The following UBE2D3 variants were observed in gnomAD, a reference collection of about 807,000 sequenced individuals.
The protein encoded by UBE2D3 is ubiquitin conjugating enzyme E2 D3, also known as ubiquitin-conjugating enzyme E2 D3.
In UBE2D3, 2 loss-of-function variants were observed where a neutral mutation model predicts 22.8. The observed-to-expected ratio is 0.09, with a 90% CI of 0.04 to 0.28. The LOEUF is 0.28. UBE2D3 is among the 10% of genes least tolerant of loss of function. The pLI is 1.00. For synonymous variants in UBE2D3, 56 were observed against 60.4 expected, an observed-to-expected ratio of 0.93 and a Z score of 0.34; for missense variants, 27 against 182.5, an observed-to-expected ratio of 0.15 and a Z score of 4.91.
At chr4:102,805,780 T>C (rs1726930692) in intron 4 of UBE2D3, among the ~76,000 whole-genome samples, 1 of 152,208 alleles carries the variant, frequency 6.6e-6, no homozygotes, top group Admixed American at 6.5e-5. Context: ...CTACTGATAT[T>C]TCTACTTGGA....
At chr4:102,816,414 C>T (rs567597912) in intron 2 of UBE2D3, among the ~76,000 whole-genome samples, 1 of 152,350 alleles carries the variant, frequency 6.6e-6, no homozygotes, top group African/African-American at 2.4e-5. Flanking sequence ...TATTCAACAG[C>T]AGCAATAACA....
intron 4 of UBE2D3, among the ~76,000 whole-genome samples, chr4:102,805,213 A>AG (rs1160125377): frequency 3.3e-5 from 5 of 152,242 alleles, no homozygotes; most frequent in Non-Finnish European, 1.5e-5. Context: ...ATGCCAAAAG[A>AG]GGAAGAACTA....
At chr4:102,822,630 A>T (rs982193809) in intron 2 of UBE2D3, among the ~76,000 whole-genome samples, 3 of 152,210 alleles carry the variant, frequency 2.0e-5, no homozygotes, top group Non-Finnish European at 4.4e-5. Flanking sequence ...AATCACATAC[A>T]TTATAAAACA....
chr4:102,835,429 C>G (rs892899948), intron 1 of UBE2D3, among the ~76,000 whole-genome samples: 4 of 152,106 alleles, frequency 2.6e-5, no homozygotes, highest in African/African-American at 9.7e-5. Flanking sequence ...GAAACAATCC[C>G]TCATGGATAC....
exon 1 of UBE2D3, chr4:102,868,757 A>C (rs1171037473): frequency 6.2e-7 from 1 of 1,614,080 alleles, no homozygotes; most frequent in African/African-American, 1.3e-5. Flanking sequence ...TCACATGCTT[A>C]TCTCATCGCA....
chr4:102,868,659 CTG>C (rs1314508981), intron 1 of UBE2D3: 1 of 1,613,330 alleles, frequency 6.2e-7, no homozygotes, highest in Non-Finnish European at 8.5e-7. Flanking sequence ...AGCACCCAAA[CTG>C]TAGGGGAAGA....
chr4:102,826,846 T>C, intron 1 of UBE2D3: 2 of 1,149,424 alleles, frequency 1.7e-6, no homozygotes, highest in Non-Finnish European at 1.1e-6. Context: ...TCCCGGCCTC[T>C]AGAAAGGAAG....
intron 2 of UBE2D3, among the ~76,000 whole-genome samples, chr4:102,822,710 TG>T (rs1433916343): frequency 7.0e-6 from 1 of 142,632 alleles, no homozygotes; most frequent in Non-Finnish European, 1.5e-5. Flanking sequence ...CTGAGGCGGG[TG>T]GATCACGAGG....
intron 2 of UBE2D3, chr4:102,810,477 T>G (rs1406372466): frequency 6.6e-6 from 1 of 150,638 alleles, no homozygotes; most frequent in Non-Finnish European, 1.5e-5. Flanking sequence ...CTGGGGTCAC[T>G]GCAAGCTCCA....
In UBE2D3 at chr4:102,806,222, T is replaced by C. The variant is rs570255363; in HGVS notation, c.120+3450A>G. Among the ~76,000 whole-genome samples the C allele has an allele frequency of 1.2e-4, 18 of 152,314 alleles. No individual in the cohort carries two copies. The East Asian group carries it at 3.1e-3, about 26-fold the overall frequency. ...TCTTCTGTCTCTTCTATAGAACATG[T>C]TCTCTACTGCACATAAAATATTATA... On this transcript the variant is annotated intron_variant, in intron 4 of 7. Coordinates refer to ENST00000453744, the MANE Select transcript of UBE2D3 (RefSeq NM_181891.3).
chr4:102,815,122 C>A (rs920643657), intron 2 of UBE2D3, among the ~76,000 whole-genome samples: 1 of 152,074 alleles, frequency 6.6e-6, no homozygotes, highest in Admixed American at 6.6e-5. Context: ...TGGCTCACTG[C>A]AACCTCTGCC....
At chr4:102,847,157 G>A (rs1010018863) in intron 1 of UBE2D3, among the ~76,000 whole-genome samples, 15 of 152,178 alleles carry the variant, frequency 9.9e-5, no homozygotes, top group African/African-American at 3.6e-4. Context: ...TCCAGCATTA[G>A]AATAGGAAAG....
Position 102,847,332 on chromosome 4 carries a change from C to G in UBE2D3, c.-128-20696G>C, listed in dbSNP as rs921197467. On this transcript the variant is annotated intron_variant, in intron 1 of 7. Transcript: ENST00000338145. ...ATAGTGTCTCACTCCGTCGCCCAGGCTGGAGTGCAGTTGTGCAATCAAGGC... is the reference window on the plus strand; with the variant it reads ...ATAGTGTCTCACTCCGTCGCCCAGGGTGGAGTGCAGTTGTGCAATCAAGGC... 2.0e-5 allele frequency among the ~76,000 whole-genome samples: 3 copies of G among 152,320 alleles called. No individual in the cohort carries two copies. In the East Asian group the frequency reaches 5.8e-4, roughly 29 times the overall value.
chr4:102,851,521 A>G (rs1290579773), intron 1 of UBE2D3, among the ~76,000 whole-genome samples: 1 of 152,218 alleles, frequency 6.6e-6, no homozygotes. Context: ...GCAGAAGTAG[A>G]TAATTTGTAG....
At chr4:102,825,796 G>C (rs1045295539) in intron 2 of UBE2D3, 5 of 458,472 alleles carry the variant, frequency 1.1e-5, no homozygotes, top group Non-Finnish European at 2.2e-5. Flanking sequence ...GGAGCTTCCA[G>C]AATGCCTTTT....
At chr4:102,820,212 A>C (rs1264705853) in intron 2 of UBE2D3, among the ~76,000 whole-genome samples, 1 of 152,172 alleles carries the variant, frequency 6.6e-6, no homozygotes, top group Non-Finnish European at 1.5e-5. Flanking sequence ...TCATATAAAG[A>C]TCTGGTTTAC....
chr4:102,806,925 C>A (rs1727153377), intron 4 of UBE2D3, among the ~76,000 whole-genome samples: 1 of 152,020 alleles, frequency 6.6e-6, no homozygotes, highest in Admixed American at 6.6e-5. Context: ...AGTTGTGCTT[C>A]CGAAGTAGCT....
At chr4:102,832,513 A>G (rs1188669485), upstream of UBE2D3, among the ~76,000 whole-genome samples, 1 of 152,222 alleles carries the variant, frequency 6.6e-6, no homozygotes, top group Non-Finnish European at 1.5e-5. Flanking sequence ...TGCCCAAAGT[A>G]TGTATTGGGA....
At chr4:102,846,064 T>G (rs1420661387) in intron 1 of UBE2D3, among the ~76,000 whole-genome samples, 2 of 152,206 alleles carry the variant, frequency 1.3e-5, no homozygotes, top group African/African-American at 4.8e-5. Context: ...GTGCTGTGAT[T>G]ACAGACGTGA....
Sources: allele counts gnomAD v4.1 joint callset (sites outside exome capture counted in the v4.1 genomes callset), GRCh38; gene constraint gnomAD v4.1.1; transcripts MANE v1.5; gene names NCBI Gene and HGNC (gene_info 2026-07-23, HGNC 2026-07-21).